Variants in STAT6 observed in about 807,000 individuals in gnomAD.
STAT6 encodes signal transducer and activator of transcription 6.
In STAT6, 45 loss-of-function variants were observed where a neutral mutation model predicts 106.3. The observed-to-expected ratio is 0.42, with a 90% CI of 0.33 to 0.54. STAT6 has a LOEUF of 0.54. Among genes scored for constraint, STAT6 ranks in the 20% least tolerant of loss-of-function variants. STAT6 has a pLI of 0.06. For missense variants in STAT6, 797 were observed against 1,062.2 expected (o/e 0.75, Z 3.47); for synonymous variants, 413 against 413.6 (o/e 1.00, Z 0.02).
At chr12:57,107,458 T>C in intron 3 of STAT6, 144 bp from the exon 4 acceptor site, 1 of 1,329,758 alleles carries the variant, frequency 7.5e-7, no homozygotes, top group Non-Finnish European at 1.1e-6. Flanking sequence ...TGCATGCTTT[T>C]AAAATCTAAT....
At chr12:57,102,965 C>CTTTTTTTTTTTTTTTTTTTTTTCT (rs2034037767) in intron 11 of STAT6, 44 bp from the exon 12 acceptor site, 1 of 289,636 alleles carries the variant, frequency 3.5e-6, no homozygotes, top group Non-Finnish European at 5.3e-6. Flanking sequence ...TCTTTCTTTC[C>CTTTTTTTTTTTTTTTTTTTTTTCT]TTTTTTTTTT....
intron 18 of STAT6, 95 bp downstream of exon 18, chr12:57,098,697 C>T: frequency 6.4e-7 from 1 of 1,556,626 alleles, no homozygotes; most frequent in Non-Finnish European, 8.8e-7. Flanking sequence ...GGAAGATTCC[C>T]TGTTCAGCCC....
chr12:57,105,408 GCC>G, intron 8 of STAT6, 58 bp downstream of exon 8: 1 of 1,609,268 alleles, frequency 6.2e-7, no homozygotes, highest in East Asian at 2.2e-5. Flanking sequence ...CACAGCTCTA[GCC>G]CCCTTCTTTT....
chr12:57,099,474 T>G lies in STAT6; in HGVS notation c.1745-34A>C, dbSNP rs1565682120. 1 of 1,613,646 alleles carries G rather than the reference T, an allele frequency of 6.2e-7. No individual in the cohort carries two copies. The highest frequency in any genetic ancestry group is 8.5e-7 in the Non-Finnish European group (1 of 1,179,714). On this transcript the variant is annotated intron_variant, in intron 15 of 21. Coordinates refer to ENST00000300134, the MANE Select transcript of STAT6 (RefSeq NM_003153.5). This position sits in a 1 kb window ranked among gnomAD's most constrained non-coding sequence, Gnocchi z 4.7. ...GGAAGGAGACCCTGAGATCCCTCTG[T>G]CCGGACTTTCTTCCCCTTCCCCAAC...
At position 57,099,839 on chromosome 12, in the gene STAT6, T is replaced by G; in HGVS notation, c.1672A>C (p.Thr558Pro). ...TSLLLNEPDG[T>P]FLLRFSDSEI... ...GAGTCGCTGAAGCGGAGGAGAAAGG[T>G]TCCGTCGGGCTCATTGAGAAGAAGG... Residue 558 changes from threonine to proline, a missense_variant, in exon 15 of 22, where the codon ACC becomes CCC. Thr to Pro is a conservative substitution (Grantham distance 38, BLOSUM62 -1). Around this residue, in one of 4 missense-constraint regions of STAT6, gnomAD observed 222 missense variants for 354.6 expected, o/e 0.63. Transcript: ENST00000300134. The surrounding 1 kb of genome is among the most constrained non-coding windows in gnomAD (Gnocchi z 4.7). 1 of 1,614,114 alleles carries G rather than the reference T, an allele frequency of 6.2e-7. No individual in the cohort carries two copies. Among genetic ancestry groups the G allele is most frequent in the Non-Finnish European group, 8.5e-7 (1 of 1,180,022 alleles).
chr12:57,100,469 C>A (rs950183926), intron 13 of STAT6, among the ~76,000 whole-genome samples: 1 of 151,988 alleles, frequency 6.6e-6, no homozygotes, highest in Non-Finnish European at 1.5e-5. Context: ...CTATGCTACA[C>A]CCTCTCCCTA....
chr12:57,102,993 T>C (rs867032011), intron 11 of STAT6, 72 bp from the exon 12 acceptor site: 8 of 288,838 alleles, frequency 2.8e-5, no homozygotes, highest in African/African-American at 2.7e-4. Context: ...TTTTTTTTTT[T>C]TTTTTTTTTT....
chr12:57,103,187 CAG>C (rs2034059496), intron 11 of STAT6: 1 of 275,862 alleles, frequency 3.6e-6, no homozygotes, highest in Non-Finnish European at 6.7e-6. Flanking sequence ...ATTTTTGAGA[CAG>C]AGTCTCGCTC....
At chr12:57,105,816 G>T (rs2034238655) in intron 7 of STAT6, 1 of 825,584 alleles carries the variant, frequency 1.2e-6, no homozygotes, top group Non-Finnish European at 1.8e-6. Context: ...ACCCCCTGTG[G>T]AAACCCAGCT....
rs1286942800 is a variant in STAT6, at chr12:57,099,951, G to A, written c.1607+45C>T. Reference sequence around the variant, plus strand: ...TGGGGCATGGGCAGTGAGTATGGAGGTGACTGGTGTATGGCTGCTCAGACT... The same window carrying A: ...TGGGGCATGGGCAGTGAGTATGGAGATGACTGGTGTATGGCTGCTCAGACT... On this transcript the variant is annotated intron_variant, in intron 14 of 21. Transcript: ENST00000300134. This position sits in a 1 kb window ranked among gnomAD's most constrained non-coding sequence, Gnocchi z 4.7. The A allele has an allele frequency of 3.7e-6, 6 of 1,614,188 alleles. No individual in the cohort carries two copies. Among genetic ancestry groups the A allele is most frequent in the Non-Finnish European group, 4.2e-6 (5 of 1,180,014 alleles).
intron 13 of STAT6, chr12:57,100,850 T>C: frequency 4.4e-6 from 2 of 455,814 alleles, no homozygotes; most frequent in Non-Finnish European, 8.8e-6. Context: ...ACTCACCTGC[T>C]TTGGGAACTT....
chr12:57,104,486 C>T lies in STAT6; in HGVS notation c.1190G>A (p.Gly397Asp), dbSNP rs1156719893. Residue 397 changes from glycine to aspartate, a missense_variant, in exon 11 of 22, where the codon GGC (glycine) becomes GAC (aspartate). Physicochemically the swap from Gly to Asp is moderately conservative, Grantham distance 94 (BLOSUM62 -1). This residue lies in a region of STAT6 where 222 missense variants were observed against 354.6 expected (regional missense o/e 0.63). Coordinates refer to ENST00000300134, the MANE Select transcript of STAT6 (RefSeq NM_003153.5). ...CACCTGGAGCTGGATGGGGAGTTTG[C>T]CGGGGCCAAGTGTGAAGCTGGCAGA... Reference protein sequence around the residue: ...LFSASFTLGPGKLPIQLQALS... With the variant: ...LFSASFTLGPDKLPIQLQALS... 1.9e-6 allele frequency: 3 copies of T among 1,609,646 alleles called. No individual in the cohort carries two copies. Among genetic ancestry groups the T allele is most frequent in the South Asian group, 1.1e-5 (1 of 90,226 alleles).
Position 57,102,833 on chromosome 12 carries a change from T to C in STAT6, c.1301A>G (p.Glu434Gly). ...CAACTCCAGGACTTTCCTCACCATC[T>C]CAGAGAAGGCATTGTCCCACAGGAT... is the stretch of plus-strand genomic sequence containing the variant. ...ATILWDNAFS[E>G]MDRVPFVVAE... Residue 434 changes from glutamate to glycine, a missense_variant, in exon 12 of 22, where the codon GAG (glutamate) becomes GGG (glycine). Physicochemically the swap from Glu to Gly is moderately conservative, Grantham distance 98. This residue lies in a region of STAT6 where 222 missense variants were observed against 354.6 expected (regional missense o/e 0.63). Transcript: ENST00000300134. The C allele has an allele frequency of 6.2e-7, 1 of 1,613,606 alleles. No homozygotes were observed. The highest frequency in any genetic ancestry group is 1.1e-5 in the South Asian group (1 of 91,060).
In STAT6 at chr12:57,102,294, T is replaced by C. The variant is rs1403966996; in HGVS notation, c.1508A>G (p.Asn503Ser). 1.2e-6 allele frequency: 2 copies of C among 1,614,068 alleles called. No individual in the cohort carries two copies. The highest frequency in any genetic ancestry group is 1.7e-6 in the Non-Finnish European group (2 of 1,180,004). ...TCCAAAGGGCAGGAGAATGACCTTG[T>C]TGAACTGCGACCAGGACACAGAACG... is the stretch of plus-strand genomic sequence containing the variant. ...QHRSVSWSQF[N>S]KEILLGRGFT... is the part of the protein sequence containing the mutation. Residue 503 changes from asparagine (N) to serine (S), a missense_variant, in exon 13 of 22, where the codon AAC (asparagine) becomes AGC (serine). Physicochemically the swap from Asn to Ser is conservative, Grantham distance 46. This residue lies in a region of STAT6 where 222 missense variants were observed against 354.6 expected (regional missense o/e 0.63). Coordinates refer to ENST00000300134, the MANE Select transcript of STAT6 (RefSeq NM_003153.5).
intron 13 of STAT6, chr12:57,100,880 C>A (rs1485688739): frequency 4.4e-6 from 2 of 455,656 alleles, no homozygotes; most frequent in East Asian, 1.4e-4. Flanking sequence ...ACATAACCCT[C>A]TGAGCATCAG....
At chr12:57,102,742 C>A in intron 12 of STAT6, 87 bp downstream of exon 12, 1 of 1,169,630 alleles carries the variant, frequency 8.5e-7, no homozygotes, top group Non-Finnish European at 1.3e-6. Context: ...TTTAAACATG[C>A]CCACCACCCC....
At chr12:57,105,807 C>A (rs920552677) in intron 7 of STAT6, 1 of 884,556 alleles carries the variant, frequency 1.1e-6, no homozygotes, top group East Asian at 2.8e-5. Context: ...AGTGCCTACA[C>A]CCCCTGTGGA....
intron 11 of STAT6, 168 bp from the exon 12 acceptor site, chr12:57,103,089 G>A (rs1171657728): frequency 1.9e-6 from 1 of 524,726 alleles, no homozygotes; most frequent in Non-Finnish European, 3.2e-6. Flanking sequence ...TCAGCCTTCA[G>A]GGCTCAAGTG....
rs898805727 is a variant in STAT6, at chr12:57,099,366, G to A, written c.1819C>T (p.Arg607Trp). The A allele has an allele frequency of 9.9e-6, 16 of 1,614,026 alleles. No homozygotes were observed. Among genetic ancestry groups the A allele is most frequent in the Admixed American group, 1.7e-5 (1 of 59,992 alleles). The change falls in exon 16 of 22, where the codon CGG (arginine) becomes TGG (tryptophan). Residue 607 changes from arginine to tryptophan, a missense_variant. Coordinates refer to ENST00000300134, the MANE Select transcript of STAT6 (RefSeq NM_003153.5). The surrounding 1 kb of genome is among the most constrained non-coding windows in gnomAD (Gnocchi z 4.7). ...LSIRSLGDRI[R>W]DLAQLKNLYP... The stretch of plus-strand genomic sequence containing the variant: ...AGATTTTTGAGCTGAGCAAGATCCC[G>A]GATTCGGTCCCCCAGTGAGCGAATG...
Sources: allele counts gnomAD v4.1 joint callset (sites outside exome capture counted in the v4.1 genomes callset), GRCh38; gene constraint gnomAD v4.1.1; regional missense constraint gnomAD v4.1.1; non-coding constraint Gnocchi (gnomAD v3.1); transcripts MANE v1.5; gene names NCBI Gene and HGNC (gene_info 2026-07-23, HGNC 2026-07-21).